USP30: variants seen among roughly 807,000 people sequenced by gnomAD.
USP30 encodes ubiquitin carboxyl-terminal hydrolase 30.
In USP30, 41 loss-of-function variants were observed where a neutral mutation model predicts 68.2. The ratio of observed to expected loss-of-function variants is 0.60; its 90% CI spans 0.47 to 0.78. USP30 has a LOEUF of 0.78. USP30 is among the 30% of genes least tolerant of loss of function. The pLI, the probability that USP30 is intolerant of heterozygous loss-of-function variation, is 0.00. For missense variants in USP30, 522 were observed against 649.4 expected (o/e 0.80, Z 2.13); for synonymous variants, 229 against 253.7 (o/e 0.90, Z 0.93).
intron 3 of USP30, among the ~76,000 whole-genome samples, chr12:109,039,527 T>C (rs1163439906): frequency 6.6e-6 from 1 of 152,132 alleles, no homozygotes; most frequent in Non-Finnish European, 1.5e-5. Flanking sequence ...TATAAGGAGA[T>C]GATACAGAAG....
At chr12:109,056,914 T>A in intron 2 of USP30, 123 bp downstream of exon 2, 2 of 579,968 alleles carry the variant, frequency 3.4e-6, no homozygotes, top group Non-Finnish European at 5.6e-6. Context: ...AAATTAGGAT[T>A]TCAGGTTTTC....
Position 109,071,794 on chromosome 12 carries a change from A to G in USP30, c.579+84A>G, listed in dbSNP as rs2041452126. The G allele has an allele frequency of 1.5e-5, 19 of 1,282,614 alleles. No individual in the cohort carries two copies. In the South Asian group the frequency reaches 2.6e-4, roughly 17 times the overall value. 79.5% of individuals were successfully genotyped at this position (1,282,614 alleles called of 1,614,324 possible). A position where few individuals can be genotyped will look rare whatever the true frequency, so the allele number is the denominator to read the frequency against. On this transcript the variant is annotated intron_variant, in intron 5 of 12. Coordinates refer to ENST00000257548, the MANE Select transcript of USP30 (RefSeq NM_032663.5). ...GGGGAGGCAAGTGTAATCTTTGTAC[A>G]ACTTTAAAAGTAAGATTCAGTAAAA...
In USP30 at chr12:109,058,226, T is replaced by C. The variant is rs1593246831; in HGVS notation, c.376+118T>C. The C allele has an allele frequency of 5.2e-6, 6 of 1,150,214 alleles. No homozygotes were observed. The Admixed American group carries it at 7.8e-5, about 15-fold the overall frequency. 71.3% of individuals were successfully genotyped at this position (1,150,214 alleles called of 1,614,324 possible). A position where few individuals can be genotyped will look rare whatever the true frequency, so the allele number is the denominator to read the frequency against. On this transcript the variant is annotated intron_variant, in intron 3 of 12. Transcript: ENST00000257548. ...TAGGAAAAGATCATACAGATCATTATGAATAAACAACACCAAGAGCCCAAT... is the reference window on the plus strand; with the variant it reads ...TAGGAAAAGATCATACAGATCATTACGAATAAACAACACCAAGAGCCCAAT...
chr12:109,057,786 C>G (rs1465395755), intron 2 of USP30, 140 bp from the exon 3 acceptor site: 1 of 946,170 alleles, frequency 1.1e-6, no homozygotes, highest in African/African-American at 1.6e-5. Flanking sequence ...AGGCCTGGCC[C>G]CAGATCTCTG....
intron 3 of USP30, among the ~76,000 whole-genome samples, chr12:109,066,121 A>G (rs966728517): frequency 6.6e-6 from 1 of 151,932 alleles, no homozygotes; most frequent in African/African-American, 2.4e-5. Context: ...GCACAAGGAC[A>G]TGTGCCTGTA....
At chr12:109,063,927 C>T (rs2041161416) in intron 3 of USP30, among the ~76,000 whole-genome samples, 1 of 140,466 alleles carries the variant, frequency 7.1e-6, no homozygotes. Context: ...GGCTGGATTG[C>T]AGTGGCGCCA....
At chr12:109,026,853 C>T (rs1426628611) in intron 2 of USP30, among the ~76,000 whole-genome samples, 1 of 152,166 alleles carries the variant, frequency 6.6e-6, no homozygotes, top group Non-Finnish European at 1.5e-5. Context: ...GGGCTCTCTT[C>T]CCAGCTTGCA....
At chr12:109,081,885 T>G in intron 8 of USP30, 48 bp from the exon 9 acceptor site, 1 of 1,562,964 alleles carries the variant, frequency 6.4e-7, no homozygotes, top group Non-Finnish European at 8.8e-7. Flanking sequence ...ACAGTTTCAG[T>G]ATAGCTGTCC....
upstream of USP30, among the ~76,000 whole-genome samples, chr12:109,048,821 C>T (rs1047744426): frequency 2.6e-5 from 4 of 151,904 alleles, no homozygotes; most frequent in African/African-American, 7.3e-5. Flanking sequence ...GGGTGTGTAA[C>T]GCAATCCTTG....
At chr12:109,025,978 C>G (rs2040442286) in intron 2 of USP30, among the ~76,000 whole-genome samples, 1 of 151,902 alleles carries the variant, frequency 6.6e-6, no homozygotes, top group Non-Finnish European at 1.5e-5. Context: ...AGCCACTGAC[C>G]CTGGCATGAA....
chr12:109,053,368 G>A (rs941648159), intron 1 of USP30, among the ~76,000 whole-genome samples: 3 of 152,056 alleles, frequency 2.0e-5, no homozygotes, highest in South Asian at 4.2e-4. Flanking sequence ...ATTGGTCAGG[G>A]CCCCTTTAAC....
chr12:109,025,389 C>T (rs369893565), intron 2 of USP30, among the ~76,000 whole-genome samples: 5 of 151,738 alleles, frequency 3.3e-5, no homozygotes, highest in African/African-American at 7.3e-5. Flanking sequence ...TTTGTCTATC[C>T]GGAGAGCTCT....
chr12:109,068,312 G>T (rs1252547650), intron 4 of USP30, among the ~76,000 whole-genome samples: 1 of 152,206 alleles, frequency 6.6e-6, no homozygotes, highest in East Asian at 1.9e-4. Flanking sequence ...TGTAGGCGTT[G>T]TCTGCCGCCA....
chr12:109,082,768 T>A (rs200428194), intron 10 of USP30, 25 bp downstream of exon 10: 1 of 1,612,198 alleles, frequency 6.2e-7, no homozygotes, highest in East Asian at 2.2e-5. Flanking sequence ...CACACCCTGT[T>A]GGCTTTGTTT....
At chr12:109,060,709 C>T (rs2041035764) in intron 3 of USP30, among the ~76,000 whole-genome samples, 1 of 152,100 alleles carries the variant, frequency 6.6e-6, no homozygotes, top group Admixed American at 6.5e-5. Flanking sequence ...GGCTGGAATG[C>T]AGTGGCGGGA....
intron 1 of USP30, among the ~76,000 whole-genome samples, chr12:109,055,825 AAAAAG>A (rs1227143425): frequency 4.6e-5 from 7 of 151,630 alleles, no homozygotes; most frequent in Non-Finnish European, 1.0e-4. Context: ...TAAAAAAAAA[AAAAAG>A]AAAAGAAAAA....
chr12:109,073,258 C>T (rs2135784037), intron 6 of USP30, among the ~76,000 whole-genome samples, 180 bp from the exon 7 acceptor site: 1 of 152,226 alleles, frequency 6.6e-6, no homozygotes, highest in South Asian at 2.1e-4. Flanking sequence ...TGTAAATTCT[C>T]CTATGAAGGA....
intron 3 of USP30, among the ~76,000 whole-genome samples, chr12:109,044,510 G>C (rs2040587078): frequency 6.6e-6 from 1 of 151,942 alleles, no homozygotes; most frequent in Admixed American, 6.6e-5. Flanking sequence ...AAAGGCTCGT[G>C]TCTGTAGTCC....
At chr12:109,043,814 GA>G (rs1469868532) in intron 3 of USP30, among the ~76,000 whole-genome samples, 3 of 152,264 alleles carry the variant, frequency 2.0e-5, no homozygotes, top group Admixed American at 2.0e-4. Context: ...GGATATCTTT[GA>G]AAAATTTTAT....
Sources: gnomAD v4.1 joint callset for allele counts (sites outside exome capture counted in the v4.1 genomes callset) on GRCh38, gnomAD v4.1.1 for gene constraint, MANE v1.5 for transcripts, NCBI Gene and HGNC (gene_info 2026-07-23, HGNC 2026-07-21) for gene names.